Variants in ZNF582 observed in about 807,000 individuals in gnomAD.
ZNF582 encodes the protein zinc finger protein 582.
A neutral mutation model predicts 12.3 loss-of-function variants in ZNF582; 14 were observed. The ratio of observed to expected loss-of-function variants is 1.14; its 90% CI spans 0.75 to 1.78. The LOEUF is 1.78. ZNF582 is among the 40% of genes most tolerant of loss of function. The probability of loss-of-function intolerance (pLI) is 0.00; values close to 1 mark genes in which losing one functional copy is unlikely to be tolerated. For missense variants in ZNF582, 567 were observed against 616.5 expected, an observed-to-expected ratio of 0.92 and a Z score of 0.85; for synonymous variants, 210 against 207.2, an observed-to-expected ratio of 1.01 and a Z score of -0.11.
intron 2 of ZNF582, 72 bp from the exon 3 acceptor site, chr19:56,390,573 G>C: frequency 6.4e-7 from 1 of 1,564,266 alleles, no homozygotes; most frequent in Non-Finnish European, 8.7e-7. Flanking sequence ...GATGGGGCAG[G>C]TCTTTGCGGG....
intron 4 of ZNF582, among the ~76,000 whole-genome samples, chr19:56,388,005 T>A (rs2041982293): frequency 6.6e-6 from 1 of 152,216 alleles, no homozygotes; most frequent in African/African-American, 2.4e-5. Context: ...GCTGATACTT[T>A]TTGGTTCATG....
exon 5 of ZNF582, chr19:56,384,537 G>T (rs768322817): frequency 2.5e-6 from 4 of 1,613,876 alleles, no homozygotes; most frequent in Non-Finnish European, 3.4e-6. Context: ...TGTGAGATCC[G>T]ATTGAAGGCC....
At chr19:56,384,051 A>G in exon 5 of ZNF582, 1 of 1,611,666 alleles carries the variant, frequency 6.2e-7, no homozygotes. Flanking sequence ...GTCTTCTCAC[A>G]TTCCTTATAT....
intron 2 of ZNF582, among the ~76,000 whole-genome samples, chr19:56,391,455 C>T (rs188305547): frequency 2.1e-4 from 32 of 152,306 alleles, no homozygotes; most frequent in Non-Finnish European, 3.5e-4. Flanking sequence ...TGCTCCTAAG[C>T]ATTCATTCCA....
exon 5 of ZNF582, chr19:56,383,267 A>G (rs1267827036): frequency 6.6e-6 from 1 of 152,262 alleles, no homozygotes; most frequent in Non-Finnish European, 1.5e-5. Flanking sequence ...GAAAGAAACA[A>G]AAACTGAGAT....
chr19:56,384,497 C>T, exon 5 of ZNF582: 1 of 1,609,026 alleles, frequency 6.2e-7, no homozygotes. Context: ...GGGTTTTTCA[C>T]CAGTATGAAT....
At chr19:56,383,917 A>G in exon 5 of ZNF582, 1 of 1,607,366 alleles carries the variant, frequency 6.2e-7, no homozygotes, top group Non-Finnish European at 8.5e-7. Flanking sequence ...TTGCCAACAT[A>G]AATTCTCTGA....
intron 4 of ZNF582, chr19:56,388,480 G>C (rs2041987052): frequency 6.6e-6 from 1 of 152,174 alleles, no homozygotes; most frequent in African/African-American, 2.4e-5. Context: ...AATGACTTCT[G>C]AAACTAGCAG....
Position 56,388,635 on chromosome 19 carries a change from C to CT in ZNF582, c.232+1365dup, listed in dbSNP as rs368428180. On this transcript the variant is annotated intron_variant, in intron 4 of 4. Coordinates refer to ENST00000586929, the Ensembl canonical transcript of ZNF582. Reference sequence around the variant, plus strand: ...AACGTGGTTGCCTTTCCTAGCGTATCTTTTTTTTTCTTTTTGAGACAGAGT... The same window carrying CT: ...AACGTGGTTGCCTTTCCTAGCGTATCTTTTTTTTTTCTTTTTGAGACAGAGT... Among the ~76,000 whole-genome samples, 185 of 151,610 alleles carry CT rather than the reference C, an allele frequency of 1.2e-3. 2 individuals carry two copies. Among genetic ancestry groups the CT allele is most frequent in the Middle Eastern group, 6.8e-3 (2 of 294 alleles).
intron 4 of ZNF582, chr19:56,387,614 G>A (rs543788960): frequency 1.3e-5 from 2 of 152,014 alleles, no homozygotes; most frequent in Admixed American, 1.3e-4. Flanking sequence ...TTTTTTGCAG[G>A]GGAGATGGGG....
exon 5 of ZNF582, chr19:56,385,166 T>A (rs376809330): frequency 4.4e-6 from 7 of 1,602,776 alleles, no homozygotes; most frequent in African/African-American, 4.0e-5. Flanking sequence ...TTCCTTGGTA[T>A]CATATCTGGA....
exon 5 of ZNF582, chr19:56,383,860 A>C (rs774242972): frequency 3.2e-6 from 5 of 1,546,476 alleles, no homozygotes; most frequent in Non-Finnish European, 4.3e-6. Context: ...AGTCACAATT[A>C]GCCTAGGCTA....
rs747272431 is a variant in ZNF582 at position 56,390,009 on chromosome 19, A to G, written c.224T>C (p.Leu75Pro). 3.1e-6 allele frequency: 5 copies of G among 1,613,520 alleles called. No individual in the cohort carries two copies. In the African/African-American group the frequency reaches 5.3e-5, roughly 17 times the overall value. The change falls in exon 4 of 5, where the codon CTG (leucine) becomes CCG (proline). Residue 75 changes from leucine to proline, a missense_variant. Transcript: ENST00000586929. The stretch of plus-strand genomic sequence containing the variant: ...AATGATACCTCACTCACCTGGACAC[A>G]GGCCTCCAGACACCACTCTCTCCAC...
chr19:56,385,712 A>G (rs969822211), intron 4 of ZNF582, among the ~76,000 whole-genome samples: 4 of 151,878 alleles, frequency 2.6e-5, no homozygotes, highest in Admixed American at 1.3e-4. Context: ...CAGAATCACT[A>G]TTGAACAATA....
At chr19:56,384,047 T>C (rs2041940814) in exon 5 of ZNF582, 6 of 1,612,188 alleles carry the variant, frequency 3.7e-6, no homozygotes, top group African/African-American at 1.3e-5. Context: ...CAAGGTCTTC[T>C]CACATTCCTT....
At chr19:56,385,444 G>T (rs554483623) in intron 4 of ZNF582, among the ~76,000 whole-genome samples, 3 of 152,272 alleles carry the variant, frequency 2.0e-5, no homozygotes, top group South Asian at 4.1e-4. Flanking sequence ...CCAGTGCTTT[G>T]GGAAGCCAAG....
chr19:56,385,944 G>A (rs1474973861), intron 4 of ZNF582, among the ~76,000 whole-genome samples: 2 of 152,098 alleles, frequency 1.3e-5, no homozygotes, highest in Admixed American at 1.3e-4. Flanking sequence ...GCATTTTATT[G>A]ACCATAAATT....
intron 3 of ZNF582, 90 bp from the exon 4 acceptor site, chr19:56,390,186 T>C: frequency 1.4e-6 from 2 of 1,382,790 alleles, no homozygotes; most frequent in Non-Finnish European, 2.0e-6. Context: ...GGAGAGGCAG[T>C]TGCAGGAAGT....
exon 1 of ZNF582, chr19:56,393,528 C>G: frequency 2.1e-6 from 1 of 479,556 alleles, no homozygotes; most frequent in Non-Finnish European, 4.2e-6. Context: ...GTGGATTCGC[C>G]GTGCGCAGCC....
Sources: gnomAD v4.1 joint callset for allele counts (sites outside exome capture counted in the v4.1 genomes callset) on GRCh38, gnomAD v4.1.1 for gene constraint, MANE v1.5 for transcripts, NCBI Gene and HGNC (gene_info 2026-07-23, HGNC 2026-07-21) for gene names.